The following SEPTIN14 variants were observed in gnomAD, a reference collection of about 807,000 sequenced individuals.
SEPTIN14 encodes the protein septin-14.
A neutral mutation model predicts 53.6 loss-of-function variants in SEPTIN14; 40 were observed. That is an observed-to-expected ratio of 0.75 (90% CI 0.58 to 0.97). SEPTIN14 has a LOEUF of 0.97. Ranked by LOEUF, SEPTIN14 falls within the 50% of genes least tolerant of loss-of-function variation. The probability of loss-of-function intolerance (pLI) is 0.00; values close to 1 mark genes in which losing one functional copy is unlikely to be tolerated. For missense variants in SEPTIN14, 471 were observed against 508.2 expected (o/e 0.93, Z 0.70); for synonymous variants, 138 against 166.8 (o/e 0.83, Z 1.33).
intron 6 of SEPTIN14, among the ~76,000 whole-genome samples, chr7:55,832,960 C>T (rs1789136133): frequency 6.6e-6 from 1 of 152,044 alleles, no homozygotes; most frequent in Non-Finnish European, 1.5e-5. Flanking sequence ...GCACTTATAC[C>T]CTCTGAATCT....
At chr7:55,830,349 A>ATT (rs1216458496) in intron 6 of SEPTIN14, among the ~76,000 whole-genome samples, 817 of 56,774 alleles carry the variant, frequency 0.014, 41 homozygotes, top group African/African-American at 0.048. Flanking sequence ...ATATATATAT[A>ATT]TTTTTTTTTT....
rs1789167202 is a variant in SEPTIN14, at chr7:55,834,461, A to T, written c.684T>A (p.Asp228Glu). Residue 228 changes from aspartate to glutamate, a missense_variant, in exon 6 of 10, where the codon GAT (aspartate) becomes GAA (glutamate). Physicochemically the swap from Asp to Glu is conservative, Grantham distance 45 (BLOSUM62 2). Transcript: ENST00000388975. Reference protein sequence around the residue: ...NGIQIYQLPTDEETAAQANSS... With the variant: ...NGIQIYQLPTEEETAAQANSS... ...AGTTCGCTTGAGCAGCAGTTTCTTC[A>T]TCTGTTGGGAGCTGATATATCTGGA... The T allele has an allele frequency of 6.2e-7, 1 of 1,612,010 alleles. No homozygotes were observed. The highest frequency in any genetic ancestry group is 8.5e-7 in the Non-Finnish European group (1 of 1,179,324).
chr7:55,822,084 A>G (rs1788905532), intron 6 of SEPTIN14, among the ~76,000 whole-genome samples: 1 of 152,188 alleles, frequency 6.6e-6, no homozygotes, highest in Non-Finnish European at 1.5e-5. Context: ...ACCAGCCCCC[A>G]TAATTCAATT....
intron 7 of SEPTIN14, among the ~76,000 whole-genome samples, chr7:55,809,833 C>CTT (rs542777992): frequency 3.6e-5 from 4 of 112,008 alleles, no homozygotes; most frequent in Admixed American, 1.9e-4. Context: ...AATGGCTTGT[C>CTT]TTTTTTTTTT....
chr7:55,856,289 A>G (rs1186154712), intron 2 of SEPTIN14, among the ~76,000 whole-genome samples: 1 of 152,148 alleles, frequency 6.6e-6, no homozygotes, highest in Non-Finnish European at 1.5e-5. Context: ...CTGTTCATGT[A>G]TTAATTAACT....
intron 5 of SEPTIN14, among the ~76,000 whole-genome samples, chr7:55,840,906 T>A (rs141228331): frequency 7.3e-6 from 1 of 136,952 alleles, no homozygotes; most frequent in African/African-American, 2.5e-5. Flanking sequence ...TTATTTATTA[T>A]TTATTTATTT....
intron 2 of SEPTIN14, among the ~76,000 whole-genome samples, chr7:55,847,023 T>C (rs1416705073): frequency 1.3e-5 from 2 of 152,054 alleles, no homozygotes; most frequent in East Asian, 3.9e-4. Context: ...CCATCTCTAC[T>C]AAAAATACAA....
intron 6 of SEPTIN14, among the ~76,000 whole-genome samples, chr7:55,821,304 G>A (rs1337856624): frequency 6.6e-6 from 1 of 152,172 alleles, no homozygotes; most frequent in Non-Finnish European, 1.5e-5. Flanking sequence ...TCAGACTGGT[G>A]CTCCTCCTCA....
intron 9 of SEPTIN14, among the ~76,000 whole-genome samples, chr7:55,802,013 T>C (rs1381836842): frequency 2.1e-5 from 3 of 145,564 alleles, no homozygotes; most frequent in Non-Finnish European, 3.0e-5. Flanking sequence ...TTTTTTTTTT[T>C]CTATGAGACG....
intron 9 of SEPTIN14, among the ~76,000 whole-genome samples, chr7:55,799,713 A>G (rs1241935942): frequency 6.6e-6 from 1 of 152,130 alleles, no homozygotes; most frequent in Admixed American, 6.6e-5. Context: ...CAAATATATG[A>G]CAACATTGGA....
chr7:55,851,871 A>C (rs1258759136), intron 2 of SEPTIN14, among the ~76,000 whole-genome samples: 1 of 150,328 alleles, frequency 6.7e-6, no homozygotes, highest in East Asian at 2.0e-4. Context: ...GGCTGGGCGC[A>C]GTGGCTCACG....
intron 6 of SEPTIN14, 90 bp downstream of exon 6, chr7:55,834,335 A>G: frequency 1.1e-6 from 1 of 921,678 alleles, no homozygotes; most frequent in East Asian, 2.7e-5. Flanking sequence ...CAGAAGCTTT[A>G]CAAAATTAAA....
At chr7:55,857,075 T>TA (rs994192740) in intron 2 of SEPTIN14, among the ~76,000 whole-genome samples, 15 of 147,288 alleles carry the variant, frequency 1.0e-4, no homozygotes, top group Non-Finnish European at 1.3e-4. Context: ...ATCTCAAATT[T>TA]AAAAAAAAGA....
chr7:55,823,129 T>A lies in SEPTIN14; in HGVS notation c.721-3906A>T, dbSNP rs547279129. Among the ~76,000 whole-genome samples, 3 of 152,310 alleles carry A rather than the reference T, an allele frequency of 2.0e-5. No individual in the cohort carries two copies. In the East Asian group the frequency reaches 5.8e-4, roughly 29 times the overall value. On this transcript the variant is annotated intron_variant, in intron 6 of 9. Transcript: ENST00000388975. The stretch of plus-strand genomic sequence containing the variant: ...CCTGAAAGCCAAGTTACAAGTCAAA[T>A]CCATGGACTGGATTGAGAACCTGTC...
intron 2 of SEPTIN14, among the ~76,000 whole-genome samples, chr7:55,857,541 AGAG>A (rs1335595577): frequency 2.3e-4 from 21 of 91,764 alleles, no homozygotes; most frequent in African/African-American, 8.4e-4. Context: ...AAGGAAAGGA[AGAG>A]AGGAGGGGAG....
At chr7:55,809,348 G>A (rs1340833226) in intron 7 of SEPTIN14, among the ~76,000 whole-genome samples, 1 of 107,478 alleles carries the variant, frequency 9.3e-6, no homozygotes, top group Non-Finnish European at 1.9e-5. Flanking sequence ...TATATGTGCT[G>A]CTAAAGTGAG....
At chr7:55,799,751 C>G (rs1485079074) in intron 9 of SEPTIN14, among the ~76,000 whole-genome samples, 1 of 151,832 alleles carries the variant, frequency 6.6e-6, no homozygotes, top group East Asian at 1.9e-4. Flanking sequence ...CAAATATTAA[C>G]AGAAATGAAG....
intron 9 of SEPTIN14, among the ~76,000 whole-genome samples, chr7:55,802,881 G>T (rs1788545164): frequency 6.6e-6 from 1 of 150,484 alleles, no homozygotes; most frequent in Non-Finnish European, 1.5e-5. Flanking sequence ...AAATATACAA[G>T]AACTCAAATA....
chr7:55,858,369 A>G (rs1789683674), intron 2 of SEPTIN14, among the ~76,000 whole-genome samples: 1 of 152,218 alleles, frequency 6.6e-6, no homozygotes, highest in Non-Finnish European at 1.5e-5. Context: ...ATTCTTTGCA[A>G]GAGATATTGC....
Sources: gnomAD v4.1 joint callset for allele counts (sites outside exome capture counted in the v4.1 genomes callset) on GRCh38, gnomAD v4.1.1 for gene constraint, MANE v1.5 for transcripts, NCBI Gene and HGNC (gene_info 2026-07-23, HGNC 2026-07-21) for gene names.